Variants in AOAH observed in about 807,000 individuals in gnomAD.
AOAH encodes acyloxyacyl hydrolase (neutrophil).
In AOAH, 64 loss-of-function variants were observed where a neutral mutation model predicts 92.2. The ratio of observed to expected loss-of-function variants is 0.69; its 90% CI spans 0.57 to 0.86. AOAH has a LOEUF of 0.86. Ranked by LOEUF, AOAH falls within the 40% of genes least tolerant of loss-of-function variation. The probability of loss-of-function intolerance (pLI) is 0.00; values close to 1 mark genes in which losing one functional copy is unlikely to be tolerated. For missense variants in AOAH, 656 were observed against 694.6 expected (o/e 0.94, Z 0.62); for synonymous variants, 263 against 254.5 (o/e 1.03, Z -0.32).
chr7:36,516,690 G>C lies in AOAH; in HGVS notation c.1600-3310C>G, dbSNP rs1421014282. 1.3e-5 allele frequency among the ~76,000 whole-genome samples: 2 copies of C among 152,244 alleles called. No individual in the cohort carries two copies. The highest frequency in any genetic ancestry group is 4.1e-4 in the South Asian group (2 of 4,824). ...TTCTCAACAAAGGAGGCTGCTGCCA[G>C]GTCTGTGGAAAATTACTGGTTCTTC... On this transcript the variant is annotated intron_variant, in intron 20 of 20. Coordinates refer to ENST00000617537, the MANE Select transcript of AOAH (RefSeq NM_001637.4). This position sits in a 1 kb window ranked among gnomAD's most constrained non-coding sequence, Gnocchi z 5.0.
At chr7:36,630,809 T>C (rs1222510286) in intron 6 of AOAH, among the ~76,000 whole-genome samples, 2 of 152,192 alleles carry the variant, frequency 1.3e-5, no homozygotes, top group Non-Finnish European at 2.9e-5. Context: ...AGAATATGTA[T>C]ATTCCCAAAG....
chr7:36,609,450 C>T (rs1481635636), intron 11 of AOAH, among the ~76,000 whole-genome samples: 2 of 152,180 alleles, frequency 1.3e-5, no homozygotes, highest in Non-Finnish European at 2.9e-5. Flanking sequence ...GCCTCCCATG[C>T]ACCTCTCTAG....
intron 1 of AOAH, among the ~76,000 whole-genome samples, chr7:36,694,445 C>T (rs1218009178): frequency 6.6e-6 from 1 of 152,106 alleles, no homozygotes; most frequent in Non-Finnish European, 1.5e-5. Context: ...TTGCAGTGAG[C>T]CGAGATTGCA....
At chr7:36,544,343 C>T (rs141395960) in intron 15 of AOAH, among the ~76,000 whole-genome samples, 587 of 152,148 alleles carry the variant, frequency 3.9e-3, no homozygotes, top group African/African-American at 0.014. Context: ...ACCAAAGAAC[C>T]CTAGTGGTTG....
chr7:36,541,396 C>A (rs1785414923), intron 15 of AOAH, among the ~76,000 whole-genome samples: 1 of 152,212 alleles, frequency 6.6e-6, no homozygotes, highest in South Asian at 2.1e-4. Flanking sequence ...CAAAGCATGT[C>A]AGACAAAGGT....
In AOAH at chr7:36,514,224, A is replaced by G. The variant is rs114156748; in HGVS notation, c.1600-844T>C. Among the ~76,000 whole-genome samples the G allele has an allele frequency of 5.3e-3, 806 of 152,098 alleles. 5 individuals are homozygous for G. The highest frequency in any genetic ancestry group is 0.019 in the African/African-American group (771 of 41,510). On this transcript the variant is annotated intron_variant, in intron 20 of 20. Transcript: ENST00000617537. ...GATGAATTTTCTAGGAGTTCCCTAG[A>G]TGGATGATGTGGGGAAACTGCAATG...
chr7:36,544,709 G>A (rs574746954), intron 15 of AOAH, among the ~76,000 whole-genome samples: 1 of 152,304 alleles, frequency 6.6e-6, no homozygotes, highest in South Asian at 2.1e-4. Context: ...ACTCCTGAAG[G>A]TGGCTCTGAA....
At chr7:36,547,309 G>A (rs116087805) in intron 15 of AOAH, among the ~76,000 whole-genome samples, 33 of 152,348 alleles carry the variant, frequency 2.2e-4, no homozygotes, top group African/African-American at 7.0e-4. Context: ...GACATCTGGC[G>A]TATCAGAGTC....
intron 11 of AOAH, among the ~76,000 whole-genome samples, chr7:36,595,380 C>A (rs979949450): frequency 6.6e-6 from 1 of 151,992 alleles, no homozygotes; most frequent in African/African-American, 2.4e-5. Flanking sequence ...CAAAAAATAA[C>A]AAATTTGCTA....
chr7:36,724,196 A>T lies in AOAH; in HGVS notation c.-48T>A. ...GATCACCCGGCTTTGGAAGCTCCCA[A>T]CTGAGGGATGCTGGAGCTGAGGCTG... On this transcript the variant is annotated 5_prime_UTR_variant, in exon 1 of 21. It adds an upstream start codon to the 5' untranslated region. Transcript: ENST00000617537. The T allele has an allele frequency of 6.2e-7, 1 of 1,604,920 alleles. No individual in the cohort carries two copies. Among genetic ancestry groups the T allele is most frequent in the Non-Finnish European group, 8.5e-7 (1 of 1,174,532 alleles).
chr7:36,550,484 A>C (rs993914083), intron 13 of AOAH, among the ~76,000 whole-genome samples: 1 of 152,176 alleles, frequency 6.6e-6, no homozygotes, highest in African/African-American at 2.4e-5. Context: ...CCCACTTTTA[A>C]ATTAGGAAAC....
chr7:36,546,846 A>T (rs1181243331), intron 15 of AOAH, among the ~76,000 whole-genome samples: 1 of 152,160 alleles, frequency 6.6e-6, no homozygotes, highest in Non-Finnish European at 1.5e-5. Flanking sequence ...CCTTGATGTC[A>T]GGGACTGTGG....
intron 4 of AOAH, among the ~76,000 whole-genome samples, chr7:36,656,022 A>G (rs1457308544): frequency 6.6e-6 from 1 of 152,216 alleles, no homozygotes; most frequent in Non-Finnish European, 1.5e-5. Context: ...GTGGAAGGAC[A>G]GAGTGAGAAA....
At position 36,554,520 on chromosome 7, in the gene AOAH, G is replaced by T. The variant is rs555443251; in HGVS notation, c.1022-5045C>A. 1.1e-4 allele frequency among the ~76,000 whole-genome samples: 16 copies of T among 152,318 alleles called. No individual in the cohort carries two copies. The East Asian group carries it at 1.5e-3, about 15-fold the overall frequency. ...AAGTAGTTTTTTCCAATTCTGTGAA[G>T]AAAGTCATTGGTAGCTTGATGGCGA... is the stretch of plus-strand genomic sequence containing the variant. On this transcript the variant is annotated intron_variant, in intron 13 of 20. Coordinates refer to ENST00000617537, the MANE Select transcript of AOAH (RefSeq NM_001637.4).
At chr7:36,715,278 G>T (rs1167183898) in intron 1 of AOAH, among the ~76,000 whole-genome samples, 1 of 152,102 alleles carries the variant, frequency 6.6e-6, no homozygotes, top group Non-Finnish European at 1.5e-5. Flanking sequence ...GGACATGAAG[G>T]ACCTCTTCAG....
At chr7:36,707,371 A>G (rs1410114817) in intron 1 of AOAH, among the ~76,000 whole-genome samples, 1 of 152,144 alleles carries the variant, frequency 6.6e-6, no homozygotes, top group African/African-American at 2.4e-5. Flanking sequence ...AACAATTACA[A>G]TAGTAACATC....
chr7:36,626,417 G>C (rs1792669958), intron 6 of AOAH, among the ~76,000 whole-genome samples: 2 of 152,250 alleles, frequency 1.3e-5, no homozygotes, highest in African/African-American at 4.8e-5. Flanking sequence ...AAGGCCCCAA[G>C]TGACTGGCCA....
chr7:36,543,260 G>C (rs530941480), intron 15 of AOAH, among the ~76,000 whole-genome samples: 6 of 152,190 alleles, frequency 3.9e-5, no homozygotes, highest in Non-Finnish European at 7.3e-5. Flanking sequence ...AGCGTGGGGA[G>C]GGGCTTTGAC....
chr7:36,594,528 G>T, intron 11 of AOAH, 98 bp from the exon 12 acceptor site: 2 of 991,192 alleles, frequency 2.0e-6, no homozygotes, highest in Non-Finnish European at 3.2e-6. Flanking sequence ...CTGTGTGTCT[G>T]TTTCCCACTC....
Sources: allele counts gnomAD v4.1 joint callset (sites outside exome capture counted in the v4.1 genomes callset), GRCh38; gene constraint gnomAD v4.1.1; non-coding constraint Gnocchi (gnomAD v3.1); transcripts MANE v1.5; gene names NCBI Gene and HGNC (gene_info 2026-07-23, HGNC 2026-07-21).